Variants in LYST observed in about 807,000 individuals in gnomAD.
LYST encodes the protein lysosomal-trafficking regulator.
A neutral mutation model predicts 413.6 loss-of-function variants in LYST; 192 were observed. The observed-to-expected ratio is 0.46, with a 90% CI of 0.41 to 0.52. The LOEUF (loss-of-function observed/expected upper bound fraction) is 0.52. LYST is among the 20% of genes least tolerant of loss of function. The probability of loss-of-function intolerance (pLI) is 0.00; values close to 1 mark genes in which losing one functional copy is unlikely to be tolerated. For missense variants in LYST, 3,815 were observed against 4,499.9 expected, an observed-to-expected ratio of 0.85 and a Z score of 4.35; for synonymous variants, 1,525 against 1,567.3, an observed-to-expected ratio of 0.97 and a Z score of 0.64.
rs144791213 is a variant in LYST at position 235,850,869 on chromosome 1, A to G, written c.-98+15974T>C. 8.0e-3 allele frequency among the ~76,000 whole-genome samples: 1,216 copies of G among 152,256 alleles called. 25 individuals carry two copies. The highest frequency in any genetic ancestry group is 0.026 in the African/African-American group (1,097 of 41,536). On this transcript the variant is annotated intron_variant, in intron 1 of 52. Transcript: ENST00000389793. Reference sequence around the variant, plus strand: ...AGAATGGCCATAATCAAAAAATCAAAAAACAGTAGATGTTGGCATGGACGT... The same window carrying G: ...AGAATGGCCATAATCAAAAAATCAAGAAACAGTAGATGTTGGCATGGACGT...
chr1:235,862,748 A>G (rs1310682694), intron 1 of LYST, among the ~76,000 whole-genome samples: 2 of 151,484 alleles, frequency 1.3e-5, no homozygotes, highest in Admixed American at 6.6e-5. Context: ...GTAAGCTGAG[A>G]TCACCCCACT....
intron 50 of LYST, among the ~76,000 whole-genome samples, chr1:235,672,099 A>C (rs1267124543): frequency 6.6e-6 from 1 of 152,194 alleles, no homozygotes; most frequent in Non-Finnish European, 1.5e-5. Flanking sequence ...AACTGGGTGA[A>C]TTCTGAAATT....
intron 14 of LYST, among the ~76,000 whole-genome samples, chr1:235,782,994 AATAAG>A (rs1370628312): frequency 6.6e-6 from 1 of 152,180 alleles, no homozygotes; most frequent in Non-Finnish European, 1.5e-5. Context: ...GAAAAGGCAA[AATAAG>A]GCTTTCTCAC....
At chr1:235,817,972 G>A (rs1028459462) in intron 3 of LYST, among the ~76,000 whole-genome samples, 2 of 152,034 alleles carry the variant, frequency 1.3e-5, no homozygotes, top group Non-Finnish European at 2.9e-5. Flanking sequence ...GAGAAAATAC[G>A]TAAGTTTTAC....
At chr1:235,783,667 A>G (rs1469196093) in intron 14 of LYST, among the ~76,000 whole-genome samples, 1 of 152,202 alleles carries the variant, frequency 6.6e-6, no homozygotes, top group African/African-American at 2.4e-5. Context: ...ACAATGAAAT[A>G]AAAATAAAAT....
At chr1:235,690,845 C>T (rs149087734) in intron 47 of LYST, among the ~76,000 whole-genome samples, 261 of 151,748 alleles carry the variant, frequency 1.7e-3, no homozygotes, top group Admixed American at 3.3e-3. Flanking sequence ...GCTGTCCATA[C>T]GATTTACAGT....
chr1:235,774,590 G>C (rs1204332834), intron 18 of LYST, among the ~76,000 whole-genome samples: 1 of 152,154 alleles, frequency 6.6e-6, no homozygotes, highest in Non-Finnish European at 1.5e-5. Context: ...TCTGCCATAA[G>C]GGTGGGAGCT....
rs180986999 is a variant in LYST, at chr1:235,817,716, T to C, written c.193-4655A>G. Reference sequence around the variant, plus strand: ...ACAGCCACTGGGGCCTCTTTCAGGATGGAGGGTGGGAGAAGGGTGAGGATC... The same window carrying C: ...ACAGCCACTGGGGCCTCTTTCAGGACGGAGGGTGGGAGAAGGGTGAGGATC... On this transcript the variant is annotated intron_variant, in intron 3 of 52. Coordinates refer to ENST00000389793, the MANE Select transcript of LYST (RefSeq NM_000081.4). Among the ~76,000 whole-genome samples the C allele has an allele frequency of 3.3e-5, 5 of 152,182 alleles. No homozygotes were observed. The East Asian group carries it at 9.6e-4, about 29-fold the overall frequency.
chr1:235,792,073 C>A lies in LYST; in HGVS notation c.4169G>T (p.Ser1390Ile). Residue 1390 changes from serine to isoleucine, a missense_variant, in exon 12 of 53, where the codon AGC (serine) becomes ATC (isoleucine). By Grantham distance (142) the Ser-to-Ile change is moderately radical. Around this residue, in one of 4 missense-constraint regions of LYST, gnomAD observed 1,648 missense variants for 1,810.3 expected, o/e 0.91. Transcript: ENST00000389793. ...LKIIESDTTMSPSQYLTFPLL... is the reference protein window; with the variant it reads ...LKIIESDTTMIPSQYLTFPLL... ...AGGGAAGGTTAGATACTGTGAAGGGCTCATAGTAGTATCACTTTCAATAAT... is the reference window on the plus strand; with the variant it reads ...AGGGAAGGTTAGATACTGTGAAGGGATCATAGTAGTATCACTTTCAATAAT... 1 of 1,612,496 alleles carries A rather than the reference C, an allele frequency of 6.2e-7. No individual in the cohort carries two copies. The highest frequency in any genetic ancestry group is 8.5e-7 in the Non-Finnish European group (1 of 1,178,618).
intron 3 of LYST, among the ~76,000 whole-genome samples, chr1:235,818,514 T>C (rs1674412846): frequency 6.6e-6 from 1 of 152,134 alleles, no homozygotes; most frequent in Admixed American, 6.5e-5. Flanking sequence ...AAGGGCCCCA[T>C]TTCCATGTGC....
At chr1:235,710,055 T>A (rs1662290602) in intron 43 of LYST, among the ~76,000 whole-genome samples, 1 of 152,222 alleles carries the variant, frequency 6.6e-6, no homozygotes, top group Non-Finnish European at 1.5e-5. Flanking sequence ...TTGTGCTACA[T>A]TTTCTAGTTT....
At chr1:235,799,457 C>A (rs1280491593) in intron 10 of LYST, among the ~76,000 whole-genome samples, 5 of 152,110 alleles carry the variant, frequency 3.3e-5, no homozygotes, top group African/African-American at 4.8e-5. Context: ...GTAGTAAGAT[C>A]CAGATATCAT....
chr1:235,690,854 G>A (rs1660586064), intron 47 of LYST, among the ~76,000 whole-genome samples: 1 of 152,094 alleles, frequency 6.6e-6, no homozygotes, highest in South Asian at 2.1e-4. Flanking sequence ...ACGATTTACA[G>A]TCTGGAACGG....
At chr1:235,670,694 G>A (rs11588117) in intron 50 of LYST, among the ~76,000 whole-genome samples, 14,184 of 152,218 alleles carry the variant, frequency 0.093, 743 homozygotes, top group Middle Eastern at 0.17. Flanking sequence ...TTTGGTGGTT[G>A]GGACATCCTG....
At position 235,759,394 on chromosome 1, in the gene LYST, G is replaced by A. The variant is rs1232612573; in HGVS notation, c.6459C>T (p.Ser2153=). ...QSKKQNSLGS[S]DTLKKGKEDA... ...CCTCTTTGCCTTTTTTCAGTGTGTC[G>A]GAACTCCCCAAAGAATTTTGTTTCT... is the stretch of plus-strand genomic sequence containing the variant. The change falls in exon 23 of 53, where the codon TCC becomes TCT. Residue 2153 remains serine (S), a synonymous_variant. Coordinates refer to ENST00000389793, the MANE Select transcript of LYST (RefSeq NM_000081.4). 2.0e-5 allele frequency: 33 copies of A among 1,614,062 alleles called. No homozygotes were observed. Among genetic ancestry groups the A allele is most frequent in the African/African-American group, 5.3e-5 (4 of 75,012 alleles).
At chr1:235,743,944 T>G (rs1572126449) in intron 30 of LYST, 35 bp downstream of exon 30, 1 of 1,112,656 alleles carries the variant, frequency 9.0e-7, no homozygotes, top group East Asian at 2.4e-5. Context: ...TTCCTTTGTG[T>G]GAATGAACAT....
At position 235,759,164 on chromosome 1, in the gene LYST, A is replaced by T; in HGVS notation, c.6689T>A (p.Leu2230Gln). 6.2e-7 allele frequency: 1 copy of T among 1,614,136 alleles called. No individual in the cohort carries two copies. The highest frequency in any genetic ancestry group is 8.5e-7 in the Non-Finnish European group (1 of 1,180,026). The change falls in exon 23 of 53, where the codon CTA becomes CAA. Residue 2230 changes from leucine (L) to glutamine (Q), a missense_variant. Transcript: ENST00000389793. ...TCGCTGGAAGGAGGCCAATCCCTTT[A>T]GGTAATCAGGTCGGCGTGGGCAGGA... ...DESCPRRPDY[L>Q]KGLASFQRSH... is the part of the protein sequence containing the mutation.
intron 1 of LYST, among the ~76,000 whole-genome samples, chr1:235,863,460 T>TA (rs577675111): frequency 1.1e-3 from 148 of 135,146 alleles, no homozygotes; most frequent in African/African-American, 1.8e-3. Flanking sequence ...TGACTCTGTC[T>TA]AAAAAAAAAA....
rs752622346 is a variant in LYST, at chr1:235,812,960, A to G, written c.283+11T>C. 2.8e-5 allele frequency: 44 copies of G among 1,567,534 alleles called. No individual in the cohort carries two copies. The highest frequency in any genetic ancestry group is 3.5e-5 in the Non-Finnish European group (40 of 1,138,084). On this transcript the variant is annotated intron_variant, in intron 4 of 52. Transcript: ENST00000389793. ...ATAACACAAGTGATATGATAAAGGGAAAAAGCATACCTGTTGCCTTTTCTT... is the reference window on the plus strand; with the variant it reads ...ATAACACAAGTGATATGATAAAGGGGAAAAGCATACCTGTTGCCTTTTCTT...
Sources: allele counts gnomAD v4.1 joint callset (sites outside exome capture counted in the v4.1 genomes callset), GRCh38; gene constraint gnomAD v4.1.1; regional missense constraint gnomAD v4.1.1; transcripts MANE v1.5; gene names NCBI Gene and HGNC (gene_info 2026-07-23, HGNC 2026-07-21).